RBFOX1: variants seen among roughly 807,000 people sequenced by gnomAD.
The protein encoded by RBFOX1 is RNA binding protein fox-1 homolog 1.
RBFOX1 carries 8 observed loss-of-function variants against 57.7 expected under a neutral mutation model. That is an observed-to-expected ratio of 0.14 (90% CI 0.08 to 0.25). The LOEUF (loss-of-function observed/expected upper bound fraction) is 0.25, where lower values mean the gene tolerates loss of function less well. RBFOX1 is among the 10% of genes least tolerant of loss of function. The pLI, the probability that RBFOX1 is intolerant of heterozygous loss-of-function variation, is 1.00. For synonymous variants in RBFOX1, 326 were observed against 222.4 expected (o/e 1.47, Z -4.15); for missense variants, 611 against 548.5 (o/e 1.11, Z -1.14).
At position 5,946,371 on chromosome 16, in the gene RBFOX1, C is replaced by T. The variant is rs781608290; in HGVS notation, c.351+79036C>T. Reference sequence around the variant, plus strand: ...TTTACTTCTCCATTCCTTTTCTTTTCGTTTGCTCATGGATGTTTATCAAAC... The same window carrying T: ...TTTACTTCTCCATTCCTTTTCTTTTTGTTTGCTCATGGATGTTTATCAAAC... On this transcript the variant is annotated intron_variant, in intron 4 of 19. Coordinates refer to the RBFOX1 transcript ENST00000641259. This position sits in a 1 kb window ranked among gnomAD's most constrained non-coding sequence, Gnocchi z 4.6. 1.1e-4 allele frequency among the ~76,000 whole-genome samples: 16 copies of T among 152,288 alleles called. 1 individual carries two copies. In the Middle Eastern group the frequency reaches 0.014, roughly 129 times the overall value.
chr16:6,403,967 C>G (rs1255820446), intron 2 of RBFOX1, among the ~76,000 whole-genome samples: 1 of 152,100 alleles, frequency 6.6e-6, no homozygotes, highest in Non-Finnish European at 1.5e-5. Context: ...GAAAAGAGCT[C>G]TCACCAGAAT....
At chr16:5,653,776 C>A (rs900294205) in intron 3 of RBFOX1, among the ~76,000 whole-genome samples, 1 of 152,146 alleles carries the variant, frequency 6.6e-6, no homozygotes, top group Admixed American at 6.5e-5. Flanking sequence ...CAAGCCCAGC[C>A]GGTTTACCTG....
At chr16:7,232,307 A>G (rs1006100022) in intron 4 of RBFOX1, among the ~76,000 whole-genome samples, 1 of 152,210 alleles carries the variant, frequency 6.6e-6, no homozygotes, top group Non-Finnish European at 1.5e-5. Context: ...CATGGAGACC[A>G]AGGGAGAAAA....
chr16:5,957,308 G>C (rs2059662750), intron 4 of RBFOX1, among the ~76,000 whole-genome samples: 1 of 152,174 alleles, frequency 6.6e-6, no homozygotes, highest in South Asian at 2.1e-4. Flanking sequence ...TCCACCTCCG[G>C]TGTTCAAGCG....
At chr16:6,665,380 C>T (rs1000314948) in intron 3 of RBFOX1, among the ~76,000 whole-genome samples, 3 of 152,062 alleles carry the variant, frequency 2.0e-5, no homozygotes, top group African/African-American at 7.2e-5. Context: ...TTGGGAGGCC[C>T]AGGTGGGTGG....
chr16:5,665,990 C>A (rs2049832257), intron 3 of RBFOX1, among the ~76,000 whole-genome samples: 1 of 152,202 alleles, frequency 6.6e-6, no homozygotes, highest in Non-Finnish European at 1.5e-5. Flanking sequence ...TAATCAGGCC[C>A]CAGCCGTCAA....
At chr16:6,585,081 A>C (rs1268369754) in intron 2 of RBFOX1, among the ~76,000 whole-genome samples, 1 of 152,168 alleles carries the variant, frequency 6.6e-6, no homozygotes, top group African/African-American at 2.4e-5. Context: ...AGAGCTTGGC[A>C]TCTCTGTGCA....
At chr16:5,311,773 C>T (rs1446663531) in intron 1 of RBFOX1, among the ~76,000 whole-genome samples, 5 of 152,174 alleles carry the variant, frequency 3.3e-5, no homozygotes, top group Non-Finnish European at 5.9e-5. Flanking sequence ...TTTCAAATTA[C>T]ACTCTTAGTA....
At position 6,115,263 on chromosome 16, in the gene RBFOX1, T is replaced by C. The variant is rs566936554; in HGVS notation, c.-127+95271T>C. ...GGATTCTTGTAAGAAATAGTTGGCATAATGTGGAGTATAAACTTTAAGTTT... is the reference window on the plus strand; with the variant it reads ...GGATTCTTGTAAGAAATAGTTGGCACAATGTGGAGTATAAACTTTAAGTTT... On this transcript the variant is annotated intron_variant, in intron 1 of 15. Coordinates refer to ENST00000550418, the MANE Select transcript of RBFOX1 (RefSeq NM_018723.4). 2.0e-4 allele frequency among the ~76,000 whole-genome samples: 30 copies of C among 152,350 alleles called. No individual in the cohort carries two copies. The South Asian group carries it at 2.9e-3, about 15-fold the overall frequency.
chr16:5,578,697 A>G (rs1381284658), intron 2 of RBFOX1, among the ~76,000 whole-genome samples: 1 of 152,140 alleles, frequency 6.6e-6, no homozygotes, highest in African/African-American at 2.4e-5. Flanking sequence ...ACTCATCCTC[A>G]GGAACTCCTC....
At chr16:7,466,114 G>A (rs1362100571) in intron 4 of RBFOX1, among the ~76,000 whole-genome samples, 1 of 152,182 alleles carries the variant, frequency 6.6e-6, no homozygotes, top group Non-Finnish European at 1.5e-5. Context: ...GGGAAAAGAT[G>A]CCTGGTTTTA....
At chr16:5,450,842 A>G (rs1013427060) in intron 1 of RBFOX1, among the ~76,000 whole-genome samples, 2 of 152,110 alleles carry the variant, frequency 1.3e-5, no homozygotes, top group African/African-American at 4.8e-5. Context: ...TGCACACAGG[A>G]GCCCAGTTTG....
intron 3 of RBFOX1, among the ~76,000 whole-genome samples, chr16:5,648,369 G>C (rs1282450223): frequency 6.6e-6 from 1 of 152,230 alleles, no homozygotes; most frequent in Non-Finnish European, 1.5e-5. Context: ...TGATCAGAAG[G>C]TGCTGAAGGA....
intron 4 of RBFOX1, among the ~76,000 whole-genome samples, chr16:7,139,110 C>T (rs1230314902): frequency 6.6e-6 from 1 of 151,656 alleles, no homozygotes; most frequent in Non-Finnish European, 1.5e-5. Context: ...GGTCAACTTA[C>T]AGATTTTGAT....
At chr16:7,444,776 C>A (rs2150010079) in intron 4 of RBFOX1, among the ~76,000 whole-genome samples, 1 of 152,294 alleles carries the variant, frequency 6.6e-6, no homozygotes, top group East Asian at 1.9e-4. Flanking sequence ...AAGTGATCCT[C>A]CCACCTCAGC....
rs184217770 is a variant in RBFOX1, at chr16:6,468,057, G to T, written c.-64+151000G>T. Among the ~76,000 whole-genome samples the T allele has an allele frequency of 4.9e-4, 75 of 152,242 alleles. 2 individuals carry two copies. Among genetic ancestry groups the T allele is most frequent in the South Asian group, 4.4e-3 (21 of 4,812 alleles). ...GAGAGTCTGTGTCTCCTGGGAGATG[G>T]ATGGTTTGGGGGAATACGGAGTGGG... On this transcript the variant is annotated intron_variant, in intron 2 of 15. Coordinates refer to ENST00000550418, the MANE Select transcript of RBFOX1 (RefSeq NM_018723.4).
At chr16:7,315,995 C>G (rs2096430048) in intron 4 of RBFOX1, among the ~76,000 whole-genome samples, 1 of 152,202 alleles carries the variant, frequency 6.6e-6, no homozygotes, top group Admixed American at 6.5e-5. Context: ...GCAATTAGCA[C>G]TTGGGATTTG....
At chr16:6,904,103 C>G (rs188328370) in intron 3 of RBFOX1, among the ~76,000 whole-genome samples, 1 of 152,278 alleles carries the variant, frequency 6.6e-6, no homozygotes, top group East Asian at 1.9e-4. Flanking sequence ...TCTTATTCAC[C>G]ACCCCTATAC....
exon 3 of RBFOX1, chr16:5,599,619 G>A (rs2047299472): frequency 9.9e-6 from 2 of 202,052 alleles, no homozygotes; most frequent in Non-Finnish European, 1.0e-5. Context: ...CCTTCAAGTG[G>A]CACACAGACT....
Sources: gnomAD v4.1 joint callset for allele counts (sites outside exome capture counted in the v4.1 genomes callset) on GRCh38, gnomAD v4.1.1 for gene constraint, Gnocchi (gnomAD v3.1) non-coding constraint, MANE v1.5 for transcripts, NCBI Gene and HGNC (gene_info 2026-07-23, HGNC 2026-07-21) for gene names.